The following PTPN13 variants were observed in gnomAD, a reference collection of about 807,000 sequenced individuals.
The protein encoded by PTPN13 is protein tyrosine phosphatase non-receptor type 13.
A neutral mutation model predicts 284.0 loss-of-function variants in PTPN13; 191 were observed. The ratio of observed to expected loss-of-function variants is 0.67; its 90% CI spans 0.60 to 0.76. The LOEUF (loss-of-function observed/expected upper bound fraction) is 0.76, where lower values mean the gene tolerates loss of function less well. PTPN13 is among the 30% of genes least tolerant of loss of function. The pLI is 0.00. For synonymous variants in PTPN13, 986 were observed against 1,022.3 expected, an observed-to-expected ratio of 0.96 and a Z score of 0.68; for missense variants, 2,797 against 2,939.9, an observed-to-expected ratio of 0.95 and a Z score of 1.12.
At chr4:86,707,151 CCA>C (rs1731865067) in intron 7 of PTPN13, among the ~76,000 whole-genome samples, 2 of 152,124 alleles carry the variant, frequency 1.3e-5, no homozygotes, top group Non-Finnish European at 2.9e-5. Context: ...AGCAGTACTC[CCA>C]CACCCTGGGT....
chr4:86,756,595 C>T (rs1177579496), intron 20 of PTPN13, among the ~76,000 whole-genome samples: 1 of 152,058 alleles, frequency 6.6e-6, no homozygotes, highest in African/African-American at 2.4e-5. Context: ...ATCTAGCAAA[C>T]TTGCATCAAA....
intron 1 of PTPN13, among the ~76,000 whole-genome samples, chr4:86,607,258 T>A (rs901494828): frequency 6.6e-6 from 1 of 151,826 alleles, no homozygotes; most frequent in African/African-American, 2.4e-5. Context: ...TACATGAAAA[T>A]ATTTTAAAAG....
intron 15 of PTPN13, among the ~76,000 whole-genome samples, chr4:86,740,267 T>C (rs1736017747): frequency 1.3e-5 from 2 of 152,216 alleles, no homozygotes; most frequent in Admixed American, 1.3e-4. Context: ...GCCCTGCCCC[T>C]GCAGCAAACT....
Position 86,748,908 on chromosome 4 carries a change from G to C in PTPN13, c.2651-1562G>C, listed in dbSNP as rs543848012. On this transcript the variant is annotated intron_variant, in intron 17 of 47. Transcript: ENST00000411767. ...CTGACCTCATGATCCGCCCACCTCA[G>C]CCTCCCAAAGTGCTGGGATTACAGG... Among the ~76,000 whole-genome samples, 17 of 152,284 alleles carry C rather than the reference G, an allele frequency of 1.1e-4. No individual in the cohort carries two copies. In the Middle Eastern group the frequency reaches 0.01, roughly 92 times the overall value.
intron 1 of PTPN13, among the ~76,000 whole-genome samples, chr4:86,619,214 G>C (rs1014043604): frequency 1.3e-5 from 2 of 152,142 alleles, no homozygotes; most frequent in African/African-American, 4.8e-5. Flanking sequence ...CAGAAGGTTA[G>C]GTATATTAAT....
chr4:86,705,799 A>G (rs1443545294), intron 7 of PTPN13, among the ~76,000 whole-genome samples: 1 of 152,090 alleles, frequency 6.6e-6, no homozygotes, highest in Non-Finnish European at 1.5e-5. Context: ...TCAGAATATC[A>G]GTCTAAGGAT....
At chr4:86,673,472 A>C (rs1361150133) in intron 3 of PTPN13, among the ~76,000 whole-genome samples, 1 of 152,190 alleles carries the variant, frequency 6.6e-6, no homozygotes, top group Non-Finnish European at 1.5e-5. Context: ...TAGACTGGCT[A>C]GGCTAGAATA....
chr4:86,623,740 C>A (rs960637939), intron 1 of PTPN13, among the ~76,000 whole-genome samples: 23 of 152,282 alleles, frequency 1.5e-4, no homozygotes, highest in African/African-American at 5.3e-4. Flanking sequence ...TATGTATATG[C>A]ACATCTCACT....
chr4:86,769,333 T>G (rs564711387), intron 28 of PTPN13, among the ~76,000 whole-genome samples: 1 of 152,260 alleles, frequency 6.6e-6, no homozygotes, highest in Admixed American at 6.5e-5. Context: ...GTACTCTGTT[T>G]TGTTTTGTTT....
intron 5 of PTPN13, chr4:86,689,626 C>T (rs1729812357): frequency 2.8e-6 from 2 of 701,974 alleles, no homozygotes; most frequent in Non-Finnish European, 5.2e-6. Context: ...CTAGGTATTT[C>T]CCAAACCTTC....
chr4:86,789,053 A>ATCT (rs1742308876), intron 40 of PTPN13, among the ~76,000 whole-genome samples: 1 of 152,214 alleles, frequency 6.6e-6, no homozygotes, highest in Non-Finnish European at 1.5e-5. Context: ...TAGCAGAGGA[A>ATCT]TGAAGGCATA....
intron 1 of PTPN13, among the ~76,000 whole-genome samples, chr4:86,610,869 G>T (rs780624591): frequency 6.6e-6 from 1 of 152,136 alleles, no homozygotes; most frequent in Non-Finnish European, 1.5e-5. Flanking sequence ...AGAGATAATG[G>T]TATTAATAAT....
intron 27 of PTPN13, among the ~76,000 whole-genome samples, chr4:86,767,242 CTTT>C (rs71657583): frequency 3.2e-5 from 4 of 126,712 alleles, no homozygotes; most frequent in Non-Finnish European, 6.7e-5. Context: ...CCACACCTGG[CTTT>C]TTTTTTTTTT....
intron 47 of PTPN13, among the ~76,000 whole-genome samples, chr4:86,813,514 T>C (rs1329851612): frequency 1.3e-5 from 2 of 152,100 alleles, no homozygotes; most frequent in East Asian, 3.9e-4. Context: ...CCGTGATCTC[T>C]GCTCACTGCA....
intron 17 of PTPN13, among the ~76,000 whole-genome samples, chr4:86,750,061 C>G (rs1440177443): frequency 6.6e-6 from 1 of 152,164 alleles, no homozygotes; most frequent in African/African-American, 2.4e-5. Context: ...ATCTAGGTTT[C>G]GTCTCTCCCT....
intron 2 of PTPN13, among the ~76,000 whole-genome samples, chr4:86,639,453 T>C (rs1190076028): frequency 6.6e-6 from 1 of 151,970 alleles, no homozygotes; most frequent in African/African-American, 2.4e-5. Context: ...ATAGACTGGA[T>C]TAAGAAAATG....
chr4:86,741,632 A>C lies in PTPN13; in HGVS notation c.2305-2A>C. 6.2e-7 allele frequency: 1 copy of C among 1,610,408 alleles called. No individual in the cohort carries two copies. The highest frequency in any genetic ancestry group is 8.5e-7 in the Non-Finnish European group (1 of 1,176,982). ...TGCTATGGTATGGTATTATTCCAAC[A>C]GGTCTGCCAAAGACTGACAGAATAT... On this transcript the variant is annotated splice_acceptor_variant, in intron 15 of 47. Transcript: ENST00000411767. LOFTEE classifies it high-confidence loss of function.
chr4:86,639,797 T>C (rs1381858793), intron 2 of PTPN13, among the ~76,000 whole-genome samples: 1 of 151,720 alleles, frequency 6.6e-6, no homozygotes, highest in African/African-American at 2.4e-5. Flanking sequence ...ACCTGCACAA[T>C]GTGCACATGT....
intron 1 of PTPN13, among the ~76,000 whole-genome samples, chr4:86,615,795 A>T (rs191296490): frequency 6.6e-6 from 1 of 152,320 alleles, no homozygotes; most frequent in East Asian, 1.9e-4. Flanking sequence ...CCATAAAAAG[A>T]CTACTTCTTC....
Sources: gnomAD v4.1 joint callset for allele counts (sites outside exome capture counted in the v4.1 genomes callset) on GRCh38, gnomAD v4.1.1 for gene constraint, MANE v1.5 for transcripts, NCBI Gene and HGNC (gene_info 2026-07-23, HGNC 2026-07-21) for gene names.